The following ALKBH8 variants were observed in gnomAD, a reference collection of about 807,000 sequenced individuals.
The protein encoded by ALKBH8 is tRNA (carboxymethyluridine(34)-5-O)-methyltransferase ALKBH8.
Under a neutral mutation model 59.8 loss-of-function variants are expected in ALKBH8, and 36 were observed. The observed-to-expected ratio is 0.60, with a 90% CI of 0.46 to 0.79. ALKBH8 has a LOEUF of 0.79. ALKBH8 is among the 30% of genes least tolerant of loss of function. The pLI is 0.00. For missense variants in ALKBH8, 768 were observed against 801.0 expected (o/e 0.96, Z 0.50); for synonymous variants, 276 against 273.6 (o/e 1.01, Z -0.09).
rs1453429164 is a variant in ALKBH8, at chr11:107,522,403, G to C, written c.1183C>G (p.Pro395Ala). Reference sequence around the variant, plus strand: ...GCCTTCAAAAACTCCACAATGTGCGGCCAAGGGGTATGTCTTGTGCTGCTG... The same window carrying C: ...GCCTTCAAAAACTCCACAATGTGCGCCCAAGGGGTATGTCTTGTGCTGCTG... ...HFSSTRHTPWPHIVEFLKALP... is the reference protein window; with the variant it reads ...HFSSTRHTPWAHIVEFLKALP... Residue 395 changes from proline to alanine, a missense_variant, in exon 10 of 12, where the codon CCG becomes GCG. By Grantham distance (27) the Pro-to-Ala change is conservative. Coordinates refer to ENST00000428149, the MANE Select transcript of ALKBH8 (RefSeq NM_138775.3). 1 of 1,551,712 alleles carries C rather than the reference G, an allele frequency of 6.4e-7. No homozygotes were observed. The highest frequency in any genetic ancestry group is 8.7e-7 in the Non-Finnish European group (1 of 1,146,988).
intron 3 of ALKBH8, 112 bp from the exon 4 acceptor site, chr11:107,554,090 G>A (rs547838042): frequency 3.8e-5 from 51 of 1,358,544 alleles, no homozygotes; most frequent in East Asian, 5.0e-5. Context: ...CCTCATTTTC[G>A]GAAACAAGAT....
At chr11:107,564,938 TCCC>T (rs1305546110) in intron 1 of ALKBH8, among the ~76,000 whole-genome samples, 1 of 152,120 alleles carries the variant, frequency 6.6e-6, no homozygotes, top group Non-Finnish European at 1.5e-5. Context: ...CTCCTAAACC[TCCC>T]CTCCTCCAGA....
chr11:107,534,626 T>C (rs1863733433), intron 7 of ALKBH8, among the ~76,000 whole-genome samples: 1 of 152,178 alleles, frequency 6.6e-6, no homozygotes, highest in Non-Finnish European at 1.5e-5. Flanking sequence ...ACAAGAGATA[T>C]ATGAACATGA....
chr11:107,526,225 A>G (rs1863348299), intron 8 of ALKBH8, among the ~76,000 whole-genome samples: 1 of 152,012 alleles, frequency 6.6e-6, no homozygotes, highest in Non-Finnish European at 1.5e-5. Context: ...GTTACACTCC[A>G]ACCGGCAATA....
intron 11 of ALKBH8, among the ~76,000 whole-genome samples, chr11:107,507,477 G>A (rs1017296797): frequency 3.3e-5 from 5 of 151,894 alleles, no homozygotes; most frequent in South Asian, 2.1e-4. Context: ...AAAATAAGAC[G>A]AGACCATTTT....
Position 107,523,572 on chromosome 11 carries a change from T to C in ALKBH8, c.1031-1017A>G, listed in dbSNP as rs1032966539. Among the ~76,000 whole-genome samples the C allele has an allele frequency of 7.9e-5, 12 of 151,270 alleles. 1 individual carries two copies. Among genetic ancestry groups the C allele is most frequent in the Admixed American group, 6.6e-4 (10 of 15,084 alleles). ...GACTATAGTTAATAATAATATATTG[T>C]ATTCTTGAAAATCACTATGAGAATA... On this transcript the variant is annotated intron_variant, in intron 9 of 11. Transcript: ENST00000428149.
chr11:107,562,805 GC>G (rs1333130542), intron 1 of ALKBH8: 1 of 152,020 alleles, frequency 6.6e-6, no homozygotes, highest in African/African-American at 2.4e-5. Flanking sequence ...AGAAATGCTG[GC>G]CTGATCTAGG....
chr11:107,545,996 A>G (rs1864236952), intron 7 of ALKBH8, among the ~76,000 whole-genome samples: 1 of 152,228 alleles, frequency 6.6e-6, no homozygotes, highest in African/African-American at 2.4e-5. Context: ...AGGAATTTTT[A>G]TCATGCTACC....
chr11:107,548,995 C>A (rs1864383387), intron 7 of ALKBH8, among the ~76,000 whole-genome samples: 1 of 152,008 alleles, frequency 6.6e-6, no homozygotes, highest in African/African-American at 2.4e-5. Flanking sequence ...GGACTACAGG[C>A]ACATGCCACC....
intron 7 of ALKBH8, among the ~76,000 whole-genome samples, chr11:107,533,505 C>T (rs1863681816): frequency 4.6e-5 from 7 of 152,112 alleles, no homozygotes; most frequent in Admixed American, 4.6e-4. Flanking sequence ...CCTATCCTTC[C>T]AATCTAAGTA....
At chr11:107,511,063 AT>A (rs1486943010) in intron 10 of ALKBH8, 27 bp from the exon 11 acceptor site, 1 of 1,549,998 alleles carries the variant, frequency 6.5e-7, no homozygotes, top group Non-Finnish European at 8.7e-7. Flanking sequence ...ATTCCATAAC[AT>A]TTTGTTTAAA....
At chr11:107,521,239 C>A (rs934640596) in intron 10 of ALKBH8, among the ~76,000 whole-genome samples, 1 of 152,062 alleles carries the variant, frequency 6.6e-6, no homozygotes, top group African/African-American at 2.4e-5. Context: ...AGATGTATGG[C>A]CCCACAAAGA....
In ALKBH8 at chr11:107,553,608, C is replaced by T. The variant is rs147974850; in HGVS notation, c.499+239G>A. Among the ~76,000 whole-genome samples the T allele has an allele frequency of 4.2e-3, 636 of 152,040 alleles. 6 individuals carry two copies. Among genetic ancestry groups the T allele is most frequent in the African/African-American group, 0.015 (621 of 41,504 alleles). On this transcript the variant is annotated intron_variant, in intron 4 of 11. Coordinates refer to ENST00000428149, the MANE Select transcript of ALKBH8 (RefSeq NM_138775.3). ...GGAATGAATAAAATAAGTGAAAAGGCTTATAAAAGCTATATAAATGTTGGA... is the reference window on the plus strand; with the variant it reads ...GGAATGAATAAAATAAGTGAAAAGGTTTATAAAAGCTATATAAATGTTGGA...
intron 8 of ALKBH8, among the ~76,000 whole-genome samples, chr11:107,530,528 T>TCTCTCC (rs1224582534): frequency 4.0e-5 from 6 of 151,868 alleles, no homozygotes; most frequent in Non-Finnish European, 8.8e-5. Flanking sequence ...TCTCTCTCTC[T>TCTCTCC]CTTTCTTGCC....
In ALKBH8 at chr11:107,504,909, C is replaced by T; in HGVS notation, c.1744G>A (p.Val582Ile). The T allele has an allele frequency of 6.4e-7, 1 of 1,551,912 alleles. No individual in the cohort carries two copies. The highest frequency in any genetic ancestry group is 8.7e-7 in the Non-Finnish European group (1 of 1,146,990). The change falls in exon 12 of 12, where the codon GTT becomes ATT. Residue 582 changes from valine (V) to isoleucine (I), a missense_variant. Physicochemically the swap from Val to Ile is conservative, Grantham distance 29 (BLOSUM62 3). Transcript: ENST00000428149. ...TGAGAATAAAAAGAAGTCCTGTTAA[C>T]ATGAACAGGCAGCTTGGAATTAGAA... Reference protein sequence around the residue: ...QVSNSKLPVHVNRTSFYSQDV... With the variant: ...QVSNSKLPVHINRTSFYSQDV...
intron 2 of ALKBH8, among the ~76,000 whole-genome samples, chr11:107,560,016 G>A (rs1864873751): frequency 6.6e-6 from 1 of 152,124 alleles, no homozygotes; most frequent in South Asian, 2.1e-4. Context: ...GTAATTTAAT[G>A]TCCAGTAAGT....
At position 107,549,836 on chromosome 11, in the gene ALKBH8, A is replaced by G; in HGVS notation, c.701-13T>C. On this transcript the variant is annotated splice_polypyrimidine_tract_variant and intron_variant, in intron 6 of 11. Transcript: ENST00000428149. Reference sequence around the variant, plus strand: ...TGAGCGGGAATTCCTGAGATGGAAAACAGGACAACACGTCACTTCATTTTT... The same window carrying G: ...TGAGCGGGAATTCCTGAGATGGAAAGCAGGACAACACGTCACTTCATTTTT... 2 of 1,518,186 alleles carry G rather than the reference A, an allele frequency of 1.3e-6. No individual in the cohort carries two copies. Among genetic ancestry groups the G allele is most frequent in the Non-Finnish European group, 1.8e-6 (2 of 1,117,252 alleles). 94.0% of individuals were successfully genotyped at this position (1,518,186 alleles called of 1,614,324 possible).
intron 7 of ALKBH8, among the ~76,000 whole-genome samples, chr11:107,540,124 C>T (rs941480002): frequency 3.3e-5 from 5 of 152,124 alleles, no homozygotes; most frequent in African/African-American, 7.2e-5. Flanking sequence ...GGTGTAGAAG[C>T]TTTCCTAGTT....
chr11:107,548,515 A>G (rs896608371), intron 7 of ALKBH8, among the ~76,000 whole-genome samples: 9 of 152,218 alleles, frequency 5.9e-5, no homozygotes, highest in African/African-American at 1.7e-4. Context: ...GTAAAAATAA[A>G]AAAGAAACCA....
Sources: allele counts gnomAD v4.1 joint callset (sites outside exome capture counted in the v4.1 genomes callset), GRCh38; gene constraint gnomAD v4.1.1; transcripts MANE v1.5; gene names NCBI Gene and HGNC (gene_info 2026-07-23, HGNC 2026-07-21).